The following EBF4 variants were observed in gnomAD, a reference collection of about 807,000 sequenced individuals.
EBF4 encodes transcription factor COE4.
EBF4 carries 34 observed loss-of-function variants against 67.1 expected under a neutral mutation model. The observed-to-expected ratio is 0.51, with a 90% CI of 0.39 to 0.67. EBF4 has a LOEUF of 0.67. EBF4 is among the 30% of genes least tolerant of loss of function. The pLI is 0.00. For missense variants in EBF4, 837 were observed against 873.3 expected, an observed-to-expected ratio of 0.96 and a Z score of 0.52; for synonymous variants, 387 against 377.7, an observed-to-expected ratio of 1.02 and a Z score of -0.29.
At chr20:2,705,911 G>A (rs2087449921) in intron 2 of EBF4, 63 bp from the exon 3 acceptor site, 3 of 1,523,728 alleles carry the variant, frequency 2.0e-6, no homozygotes, top group Non-Finnish European at 2.7e-6. Flanking sequence ...TAGGAGAAGG[G>A]GTGGACAAGG....
At chr20:2,713,581 A>ACAGGTG (rs2087570851) in intron 6 of EBF4, among the ~76,000 whole-genome samples, 1 of 152,224 alleles carries the variant, frequency 6.6e-6, no homozygotes, top group Admixed American at 6.5e-5. Flanking sequence ...GTTGAGCTGC[A>ACAGGTG]CAGGTGCAGG....
exon 13 of EBF4, chr20:2,752,173 A>G: frequency 6.9e-7 from 1 of 1,442,656 alleles, no homozygotes. Context: ...CCTGGCCCCG[A>G]GCCACCCACA....
intron 6 of EBF4, among the ~76,000 whole-genome samples, chr20:2,735,774 C>T (rs2087869125): frequency 1.3e-5 from 2 of 152,118 alleles, no homozygotes; most frequent in South Asian, 4.1e-4. Flanking sequence ...GATCCCTGCC[C>T]TCTGAGAGCT....
rs756926048 is a variant in EBF4, at chr20:2,755,797, C to A, written c.1711C>A (p.Pro571Thr). The A allele has an allele frequency of 2.6e-5, 40 of 1,549,002 alleles. No homozygotes were observed. Among genetic ancestry groups the A allele is most frequent in the Non-Finnish European group, 3.4e-5 (39 of 1,146,924 alleles). Residue 571 changes from proline (P) to threonine (T), a missense_variant, in exon 15 of 17, where the codon CCC becomes ACC. Physicochemically the swap from Pro to Thr is conservative, Grantham distance 38. Transcript: ENST00000609451. This position sits in a 1 kb window ranked among gnomAD's most constrained non-coding sequence, Gnocchi z 4.7. The stretch of plus-strand genomic sequence containing the variant: ...CCCAAGCTCCCCACCCCAGGCCTGC[C>A]CCAGAGCCCACGGAGAGGGGCTTCC...
intron 6 of EBF4, among the ~76,000 whole-genome samples, chr20:2,711,602 G>A (rs2087546153): frequency 6.6e-6 from 1 of 152,122 alleles, no homozygotes; most frequent in African/African-American, 2.4e-5. Context: ...TTACACTCTG[G>A]CCAATTAAGT....
rs2088151559 is a variant in EBF4, at chr20:2,751,840, G to A, written c.1107+52G>A. The stretch of plus-strand genomic sequence containing the variant: ...GGCTGAGGGTGTCCTGTGGGCAAGG[G>A]GGTGAGGAGGGGCTCCCGAGGGCCC... On this transcript the variant is annotated intron_variant, in intron 11 of 16. Coordinates refer to ENST00000609451, the Ensembl canonical transcript of EBF4. The surrounding 1 kb of genome is among the most constrained non-coding windows in gnomAD (Gnocchi z 5.2). 4.5e-6 allele frequency: 7 copies of A among 1,542,428 alleles called. No homozygotes were observed. The highest frequency in any genetic ancestry group is 1.4e-5 in the African/African-American group (1 of 73,122).
At chr20:2,709,180 C>G (rs1167981757) in intron 5 of EBF4, among the ~76,000 whole-genome samples, 1 of 152,030 alleles carries the variant, frequency 6.6e-6, no homozygotes, top group Non-Finnish European at 1.5e-5. Context: ...GAATGAGACT[C>G]TGTCTCAAAA....
At position 2,696,198 on chromosome 20, in the gene EBF4, G is replaced by A. The variant is rs373697790; in HGVS notation, c.137+2416G>A. On this transcript the variant is annotated intron_variant, in intron 1 of 16. Coordinates refer to ENST00000609451, the Ensembl canonical transcript of EBF4. The surrounding 1 kb of genome is among the most constrained non-coding windows in gnomAD (Gnocchi z 4.7). ...TACAAATAAAGTGACCAGGCTGGGC[G>A]CGGTGGCTCACGCCTGTAATTCCAG... 1.1e-4 allele frequency among the ~76,000 whole-genome samples: 17 copies of A among 152,328 alleles called. No individual in the cohort carries two copies. In the East Asian group the frequency reaches 2.3e-3, roughly 21 times the overall value.
chr20:2,736,653 A>G (rs2087880879), intron 6 of EBF4, among the ~76,000 whole-genome samples: 1 of 152,134 alleles, frequency 6.6e-6, no homozygotes, highest in African/African-American at 2.4e-5. Flanking sequence ...CTGAGGTGAG[A>G]CTAAGGTTTC....
At chr20:2,734,367 C>A (rs1242786036) in intron 6 of EBF4, among the ~76,000 whole-genome samples, 3 of 152,056 alleles carry the variant, frequency 2.0e-5, no homozygotes, top group Non-Finnish European at 4.4e-5. Context: ...ATGATCACAC[C>A]ACTGCACTTC....
chr20:2,758,974 T>A lies in EBF4; in HGVS notation c.1804T>A (p.Ser602Thr), dbSNP rs146931761. The change falls in exon 16 of 17, where the codon TCC becomes ACC. Residue 602 changes from serine to threonine, a missense_variant. By Grantham distance (58) the Ser-to-Thr change is moderately conservative. Transcript: ENST00000609451. ...CCGGGGGCTTCAGGGCCTGGCATAC[T>A]CCTAATTACGGTAGGTCTCTGGCTG... The A allele has an allele frequency of 6.0e-4, 933 of 1,551,746 alleles. 7 individuals are homozygous for A. In the African/African-American group the frequency reaches 0.012, roughly 20 times the overall value.
Position 2,751,689 on chromosome 20 carries a change from C to G in EBF4, c.1019-11C>G. 6.4e-7 allele frequency: 1 copy of G among 1,550,702 alleles called. No homozygotes were observed. The highest frequency in any genetic ancestry group is 8.7e-7 in the Non-Finnish European group (1 of 1,146,788). Reference sequence around the variant, plus strand: ...GGGGAGACGTCCTCCAAACGCCGCCCCCTTCCCCAGCTCTGAACGAGCCCA... The same window carrying G: ...GGGGAGACGTCCTCCAAACGCCGCCGCCTTCCCCAGCTCTGAACGAGCCCA... On this transcript the variant is annotated splice_polypyrimidine_tract_variant and intron_variant, in intron 10 of 16. Coordinates refer to ENST00000609451, the Ensembl canonical transcript of EBF4. The surrounding 1 kb of genome is among the most constrained non-coding windows in gnomAD (Gnocchi z 5.2).
chr20:2,751,663 G>A lies in EBF4; in HGVS notation c.1019-37G>A, dbSNP rs928412416. 5.8e-6 allele frequency: 9 copies of A among 1,545,466 alleles called. No homozygotes were observed. The Admixed American group carries it at 7.8e-5, about 13-fold the overall frequency. ...TCTCACCCTGGGAGTGGGGGGCTGC[G>A]GGGGAGACGTCCTCCAAACGCCGCC... is the stretch of plus-strand genomic sequence containing the variant. On this transcript the variant is annotated intron_variant, in intron 10 of 16. Coordinates refer to ENST00000609451, the Ensembl canonical transcript of EBF4. The surrounding 1 kb of genome is among the most constrained non-coding windows in gnomAD (Gnocchi z 5.2).
chr20:2,738,301 C>G (rs2087918581), intron 6 of EBF4, among the ~76,000 whole-genome samples: 1 of 152,202 alleles, frequency 6.6e-6, no homozygotes, highest in Non-Finnish European at 1.5e-5. Flanking sequence ...CAGACTCCCA[C>G]CTTCTCCTTT....
intron 7 of EBF4, 27 bp downstream of exon 7, chr20:2,748,657 T>C: frequency 6.5e-7 from 1 of 1,546,102 alleles, no homozygotes; most frequent in Non-Finnish European, 8.8e-7. Context: ...GGTTTCCCCT[T>C]GCAACCCCAC....
chr20:2,700,728 AGCTT>A (rs549252295), intron 1 of EBF4, among the ~76,000 whole-genome samples: 16,736 of 152,104 alleles, frequency 0.11, 991 homozygotes, highest in Admixed American at 0.14. Context: ...GCTTGTAATC[AGCTT>A]GTAATCTCCC....
At position 2,707,980 on chromosome 20, in the gene EBF4, G is replaced by A. The variant is rs761437098; in HGVS notation, c.448G>A (p.Glu150Lys). The change falls in exon 5 of 17, where the codon GAA becomes AAA. Residue 150 changes from glutamate (E) to lysine (K), a missense_variant. Coordinates refer to ENST00000609451, the Ensembl canonical transcript of EBF4. This position sits in a 1 kb window ranked among gnomAD's most constrained non-coding sequence, Gnocchi z 4.6. The stretch of plus-strand genomic sequence containing the variant: ...CTATGAGGGGCAGGACAAGAACCCC[G>A]AAATGTGCCGAGTGCTGCTCACCCA... 5.0e-6 allele frequency: 8 copies of A among 1,608,202 alleles called. No individual in the cohort carries two copies. In the Admixed American group the frequency reaches 5.1e-5, roughly 10 times the overall value.
intron 6 of EBF4, among the ~76,000 whole-genome samples, chr20:2,734,542 TG>T (rs1431062280): frequency 6.6e-6 from 1 of 152,266 alleles, no homozygotes; most frequent in Non-Finnish European, 1.5e-5. Context: ...CATAATTGTT[TG>T]TTGAAAACTG....
intron 6 of EBF4, among the ~76,000 whole-genome samples, chr20:2,724,895 T>G (rs2087728409): frequency 6.6e-6 from 1 of 152,156 alleles, no homozygotes; most frequent in Non-Finnish European, 1.5e-5. Context: ...CAGAGTGAGA[T>G]CCTTTCTCAA....
Sources: gnomAD v4.1 joint callset for allele counts (sites outside exome capture counted in the v4.1 genomes callset) on GRCh38, gnomAD v4.1.1 for gene constraint, Gnocchi (gnomAD v3.1) non-coding constraint, MANE v1.5 for transcripts, NCBI Gene and HGNC (gene_info 2026-07-23, HGNC 2026-07-21) for gene names.